Variants in NEK1 observed in about 807,000 individuals in gnomAD.
NEK1 encodes the protein NIMA related kinase 1.
A neutral mutation model predicts 182.1 loss-of-function variants in NEK1; 137 were observed. The observed-to-expected ratio is 0.75, with a 90% CI of 0.65 to 0.87. The LOEUF is 0.87. NEK1 is among the 40% of genes least tolerant of loss of function. NEK1 has a pLI of 0.00. For missense variants in NEK1, 1,391 were observed against 1,494.4 expected (o/e 0.93, Z 1.14); for synonymous variants, 513 against 492.2 (o/e 1.04, Z -0.56).
intron 18 of NEK1, among the ~76,000 whole-genome samples, chr4:169,542,379 C>T (rs1320347215): frequency 6.6e-6 from 1 of 152,204 alleles, no homozygotes; most frequent in African/African-American, 2.4e-5. Context: ...ATATGTGCCA[C>T]ACTTTCTTTA....
chr4:169,610,562 C>A (rs1032411047), intron 2 of NEK1, among the ~76,000 whole-genome samples: 1 of 152,124 alleles, frequency 6.6e-6, no homozygotes, highest in Admixed American at 6.5e-5. Flanking sequence ...ATCCACCCAC[C>A]GTGGCCTCCC....
At chr4:169,569,516 T>C (rs945077254) in intron 12 of NEK1, among the ~76,000 whole-genome samples, 9 of 134,864 alleles carry the variant, frequency 6.7e-5, no homozygotes, top group Admixed American at 1.6e-4. Flanking sequence ...TCTCCCTCTC[T>C]TTCCACAGTC....
Position 169,494,182 on chromosome 4 carries a change from T to C in NEK1, c.2007+12855A>G, listed in dbSNP as rs1273655881. Among the ~76,000 whole-genome samples, 4 of 152,134 alleles carry C rather than the reference T, an allele frequency of 2.6e-5. No homozygotes were observed. The East Asian group carries it at 5.8e-4, about 22-fold the overall frequency. ...GTTACATATGTATACATGTAACATG[T>C]TTGTGTGCTGCACCCATTAACTCGT... On this transcript the variant is annotated intron_variant, in intron 23 of 35. Coordinates refer to ENST00000507142, the MANE Select transcript of NEK1 (RefSeq NM_001199397.3).
intron 19 of NEK1, among the ~76,000 whole-genome samples, chr4:169,510,222 T>C (rs1011564636): frequency 1.3e-5 from 2 of 152,168 alleles, no homozygotes; most frequent in Admixed American, 6.5e-5. Flanking sequence ...ATGCTGCCAA[T>C]TCCCAAACCT....
chr4:169,561,347 G>A (rs1000824117), intron 16 of NEK1, 133 bp downstream of exon 16: 2 of 739,966 alleles, frequency 2.7e-6, no homozygotes, highest in East Asian at 5.4e-5. Context: ...CATAATAAAT[G>A]TTAAAGAATT....
intron 12 of NEK1, among the ~76,000 whole-genome samples, chr4:169,567,752 C>G (rs1303585741): frequency 6.6e-6 from 1 of 152,112 alleles, no homozygotes; most frequent in Non-Finnish European, 1.5e-5. Context: ...TTATTTAGTT[C>G]TCAATGGTCT....
intron 29 of NEK1, among the ~76,000 whole-genome samples, chr4:169,431,735 C>T (rs1319734909): frequency 6.6e-6 from 1 of 150,900 alleles, no homozygotes; most frequent in Admixed American, 6.6e-5. Flanking sequence ...TTGAGATCAA[C>T]CTGGGCACCA....
chr4:169,487,413 G>C (rs531041682), intron 23 of NEK1, among the ~76,000 whole-genome samples: 1 of 152,326 alleles, frequency 6.6e-6, no homozygotes, highest in African/African-American at 2.4e-5. Context: ...ACCATGAGGT[G>C]TTTGGTTTTC....
chr4:169,611,647 T>G (rs1220875642), intron 2 of NEK1, among the ~76,000 whole-genome samples: 1 of 152,206 alleles, frequency 6.6e-6, no homozygotes, highest in Non-Finnish European at 1.5e-5. Context: ...CTGTGTCAAA[T>G]CATGGAAACA....
intron 27 of NEK1, among the ~76,000 whole-genome samples, chr4:169,452,254 T>C (rs1296387505): frequency 6.6e-6 from 1 of 152,204 alleles, no homozygotes; most frequent in Non-Finnish European, 1.5e-5. Context: ...GAGGAGCTGG[T>C]ACCATTCCTT....
intron 20 of NEK1, 136 bp from the exon 21 acceptor site, chr4:169,508,467 G>T: frequency 1.6e-6 from 1 of 628,382 alleles, no homozygotes; most frequent in Non-Finnish European, 2.5e-6. Context: ...TCCGGTTAAT[G>T]GAAATGTAAT....
chr4:169,610,927 TTATCTTCTCA>T, intron 2 of NEK1, among the ~76,000 whole-genome samples: 1 of 152,358 alleles, frequency 6.6e-6, no homozygotes, highest in African/African-American at 2.4e-5. Flanking sequence ...GGGGATCCAT[TTATCTTCTCA>T]GGAAAAAAGT....
In NEK1 at chr4:169,435,299, G is replaced by A. The variant is rs1468011134; in HGVS notation, c.2765-1634C>T. On this transcript the variant is annotated intron_variant, in intron 28 of 35. Transcript: ENST00000507142. ...GGGCACCAATCCCATTAATGAGGGC[G>A]CCACTCTCATAACCTAATTACTTTG... 3.9e-5 allele frequency among the ~76,000 whole-genome samples: 6 copies of A among 152,026 alleles called. 1 individual carries two copies. Among genetic ancestry groups the A allele is most frequent in the East Asian group, 1.9e-4 (1 of 5,192 alleles).
intron 31 of NEK1, among the ~76,000 whole-genome samples, chr4:169,410,587 T>A (rs987515954): frequency 1.1e-4 from 17 of 152,184 alleles, no homozygotes; most frequent in African/African-American, 3.6e-4. Flanking sequence ...ACTGTGAATA[T>A]CTGCTTACTT....
At chr4:169,421,535 G>C (rs1735489614) in intron 31 of NEK1, among the ~76,000 whole-genome samples, 1 of 152,112 alleles carries the variant, frequency 6.6e-6, no homozygotes, top group African/African-American at 2.4e-5. Context: ...CTATTCTTGT[G>C]ATGGTGAGTG....
At chr4:169,556,801 A>C (rs1762230299) in intron 16 of NEK1, among the ~76,000 whole-genome samples, 1 of 151,998 alleles carries the variant, frequency 6.6e-6, no homozygotes, top group Admixed American at 6.6e-5. Context: ...GGGGAGAGAT[A>C]TTGTTTAATC....
chr4:169,560,392 A>G lies in NEK1; in HGVS notation c.1266+1088T>C, dbSNP rs1358311974. Among the ~76,000 whole-genome samples the G allele has an allele frequency of 2.0e-5, 3 of 152,308 alleles. No homozygotes were observed. The East Asian group carries it at 5.8e-4, about 29-fold the overall frequency. ...CTGTTTTGCCACATGAATGTTTACTATCTTCCAGGTGAGCAGAATTCTCTC... is the reference window on the plus strand; with the variant it reads ...CTGTTTTGCCACATGAATGTTTACTGTCTTCCAGGTGAGCAGAATTCTCTC... On this transcript the variant is annotated intron_variant, in intron 16 of 35. Transcript: ENST00000507142.
chr4:169,500,115 C>G (rs912223944), intron 23 of NEK1, among the ~76,000 whole-genome samples: 12 of 152,252 alleles, frequency 7.9e-5, no homozygotes, highest in African/African-American at 2.7e-4. Flanking sequence ...ACCCCTCCCC[C>G]AGCCTCGCTG....
At chr4:169,591,543 C>G (rs986510709) in intron 5 of NEK1, among the ~76,000 whole-genome samples, 1 of 152,098 alleles carries the variant, frequency 6.6e-6, no homozygotes, top group African/African-American at 2.4e-5. Flanking sequence ...GAAGACATCT[C>G]TGACTTTTTT....
Sources: allele counts gnomAD v4.1 joint callset (sites outside exome capture counted in the v4.1 genomes callset), GRCh38; gene constraint gnomAD v4.1.1; transcripts MANE v1.5; gene names NCBI Gene and HGNC (gene_info 2026-07-23, HGNC 2026-07-21).